Variants in PDE10A observed in about 807,000 individuals in gnomAD.
PDE10A encodes cAMP and cAMP-inhibited cGMP 3',5'-cyclic phosphodiesterase 10A.
Under a neutral mutation model 97.7 loss-of-function variants are expected in PDE10A, and 39 were observed. The ratio of observed to expected loss-of-function variants is 0.40; its 90% CI spans 0.31 to 0.52. The LOEUF is 0.52. Ranked by LOEUF, PDE10A falls within the 20% of genes least tolerant of loss-of-function variation. The pLI is 0.56. For missense variants in PDE10A, 731 were observed against 1,047.8 expected (o/e 0.70, Z 4.17); for synonymous variants, 371 against 376.8 (o/e 0.98, Z 0.18).
intron 3 of PDE10A, among the ~76,000 whole-genome samples, chr6:165,465,861 T>C (rs1037345801): frequency 1.1e-4 from 17 of 152,174 alleles, no homozygotes; most frequent in African/African-American, 3.1e-4. Flanking sequence ...CCAAACCATA[T>C]CAGGTATGAT....
intron 1 of PDE10A, among the ~76,000 whole-genome samples, chr6:165,714,780 G>A (rs1015887438): frequency 4.6e-5 from 7 of 152,246 alleles, no homozygotes; most frequent in African/African-American, 1.7e-4. Context: ...GTCTCAGGCA[G>A]GAGGAGAGTG....
intron 1 of PDE10A, among the ~76,000 whole-genome samples, chr6:165,934,723 C>T (rs2128491406): frequency 6.6e-6 from 1 of 152,250 alleles, no homozygotes; most frequent in East Asian, 1.9e-4. Context: ...GCTTTTGTTC[C>T]ACCCCACCAC....
At chr6:165,863,122 T>C (rs757605730) in intron 1 of PDE10A, among the ~76,000 whole-genome samples, 8 of 152,244 alleles carry the variant, frequency 5.3e-5, no homozygotes, top group Admixed American at 1.3e-4. Context: ...TAAAACTGAC[T>C]GTGTTTGGGA....
At chr6:165,895,861 C>T (rs1486137135) in intron 1 of PDE10A, among the ~76,000 whole-genome samples, 2 of 152,196 alleles carry the variant, frequency 1.3e-5, no homozygotes, top group African/African-American at 4.8e-5. Flanking sequence ...TCCACCAGAG[C>T]CATCCTCCCC....
chr6:165,973,684 G>A (rs1327201655), intron 1 of PDE10A, among the ~76,000 whole-genome samples: 2 of 152,218 alleles, frequency 1.3e-5, no homozygotes, highest in Admixed American at 6.5e-5. Flanking sequence ...GCACCGCCGC[G>A]TGGGCCCCAG....
rs559177144 is a variant in PDE10A at position 165,843,960 on chromosome 6, C to G, written c.-615+143569G>C. ...CACCTCTGGCAGAGGCAGCTCTGAC[C>G]CCACCTTAGCAGACAGGCCTCCAGA... is the stretch of plus-strand genomic sequence containing the variant. On this transcript the variant is annotated intron_variant, in intron 1 of 19. Coordinates refer to the PDE10A transcript ENST00000366882. Among the ~76,000 whole-genome samples the G allele has an allele frequency of 1.8e-3, 279 of 152,210 alleles. 1 individual carries two copies. The highest frequency in any genetic ancestry group is 3.1e-3 in the Non-Finnish European group (208 of 68,004).
Position 165,624,918 on chromosome 6 carries a change from G to A in PDE10A, c.865+37029C>T, listed in dbSNP as rs1047247252. Among the ~76,000 whole-genome samples the A allele has an allele frequency of 5.9e-5, 9 of 152,350 alleles. No individual in the cohort carries two copies. In the East Asian group the frequency reaches 1.7e-3, roughly 29 times the overall value. On this transcript the variant is annotated intron_variant, in intron 1 of 21. Transcript: ENST00000539869. Reference sequence around the variant, plus strand: ...TAGTCTGGGGAGACCCGTTGGTAGGGATACACTCCAGCAGTCCTGAATGCA... The same window carrying A: ...TAGTCTGGGGAGACCCGTTGGTAGGAATACACTCCAGCAGTCCTGAATGCA...
intron 2 of PDE10A, among the ~76,000 whole-genome samples, chr6:165,503,960 CAAAG>C (rs1781046967): frequency 6.6e-6 from 1 of 152,112 alleles, no homozygotes; most frequent in South Asian, 2.1e-4. Flanking sequence ...TGTATTTCCA[CAAAG>C]AAAGCCAAAA....
chr6:165,405,651 G>A (rs1283676655), intron 13 of PDE10A, among the ~76,000 whole-genome samples: 2 of 152,150 alleles, frequency 1.3e-5, no homozygotes, highest in African/African-American at 2.4e-5. Flanking sequence ...AAGAACATAA[G>A]CTGACTTCCC....
intron 1 of PDE10A, among the ~76,000 whole-genome samples, chr6:165,787,748 T>C (rs1332459199): frequency 1.3e-5 from 2 of 152,150 alleles, no homozygotes; most frequent in Non-Finnish European, 2.9e-5. Flanking sequence ...GGTATCCTAT[T>C]TGGAGAGAAG....
intron 1 of PDE10A, among the ~76,000 whole-genome samples, chr6:165,913,225 C>T (rs963045723): frequency 6.6e-6 from 1 of 151,656 alleles, no homozygotes; most frequent in Non-Finnish European, 1.5e-5. Flanking sequence ...AATCTGAAAT[C>T]CTAGACACTT....
intron 1 of PDE10A, among the ~76,000 whole-genome samples, chr6:165,755,845 A>G (rs539545382): frequency 1.3e-5 from 2 of 152,338 alleles, no homozygotes; most frequent in South Asian, 4.1e-4. Flanking sequence ...TTCTGAAGAA[A>G]GCACAAGAGA....
intron 1 of PDE10A, among the ~76,000 whole-genome samples, chr6:165,794,324 C>A (rs1280715602): frequency 6.6e-6 from 1 of 151,116 alleles, no homozygotes; most frequent in African/African-American, 2.4e-5. Context: ...ACATACTCAT[C>A]ACACACTCAT....
intron 1 of PDE10A, among the ~76,000 whole-genome samples, chr6:165,857,551 C>T (rs1332998186): frequency 1.3e-5 from 2 of 152,148 alleles, no homozygotes; most frequent in Non-Finnish European, 2.9e-5. Context: ...GTTGAGGACA[C>T]CGGCATCCTT....
chr6:165,959,336 G>C (rs1784289373), intron 1 of PDE10A, among the ~76,000 whole-genome samples: 1 of 152,138 alleles, frequency 6.6e-6, no homozygotes, highest in Non-Finnish European at 1.5e-5. Context: ...AGGGCAAATG[G>C]GGAGGAAAGA....
intron 1 of PDE10A, chr6:165,987,430 G>A (rs775198953): frequency 2.9e-4 from 92 of 322,568 alleles, no homozygotes; most frequent in Non-Finnish European, 4.8e-4. Flanking sequence ...GAAAGGACAG[G>A]AAGTTTTTTT....
chr6:165,791,881 A>C (rs1778664284), intron 1 of PDE10A, among the ~76,000 whole-genome samples: 4 of 152,220 alleles, frequency 2.6e-5, no homozygotes, highest in Non-Finnish European at 5.9e-5. Flanking sequence ...GACTTCCTTG[A>C]AACCCACATA....
At chr6:165,741,469 A>G (rs1423201297) in intron 1 of PDE10A, among the ~76,000 whole-genome samples, 1 of 152,224 alleles carries the variant, frequency 6.6e-6, no homozygotes, top group Non-Finnish European at 1.5e-5. Flanking sequence ...ATGTTGACAA[A>G]GATCTGGATC....
chr6:165,598,192 A>C, intron 1 of PDE10A, among the ~76,000 whole-genome samples: 1 of 152,356 alleles, frequency 6.6e-6, no homozygotes, highest in Middle Eastern at 3.4e-3. Flanking sequence ...CAGTTATTTA[A>C]GTATATCTGA....
Sources: gnomAD v4.1 joint callset for allele counts (sites outside exome capture counted in the v4.1 genomes callset) on GRCh38, gnomAD v4.1.1 for gene constraint, MANE v1.5 for transcripts, NCBI Gene and HGNC (gene_info 2026-07-23, HGNC 2026-07-21) for gene names.